TTC28: variants seen among roughly 807,000 people sequenced by gnomAD.
TTC28 encodes tetratricopeptide repeat protein 28.
Under a neutral mutation model 198.0 loss-of-function variants are expected in TTC28, and 61 were observed. The ratio of observed to expected loss-of-function variants is 0.31; its 90% confidence interval spans 0.25 to 0.38. The LOEUF (loss-of-function observed/expected upper bound fraction) is 0.38, where lower values mean the gene tolerates loss of function less well. Ranked by LOEUF, TTC28 falls within the 10% of genes least tolerant of loss-of-function variation. The pLI is 1.00. For synonymous variants in TTC28, 1,171 were observed against 1,297.8 expected (o/e 0.90, Z 2.10); for missense variants, 2,678 against 3,164.0 (o/e 0.85, Z 3.69).
Position 28,261,319 on chromosome 22 carries a change from T to C in TTC28, c.933+34879A>G, listed in dbSNP as rs181410479. 1.7e-3 allele frequency among the ~76,000 whole-genome samples: 258 copies of C among 152,208 alleles called. 1 individual carries two copies. Among genetic ancestry groups the C allele is most frequent in the Middle Eastern group, 0.014 (4 of 294 alleles). On this transcript the variant is annotated intron_variant, in intron 5 of 22. Transcript: ENST00000397906. ...TAAAGTAATGATATAGTTAGTACAG[T>C]AGAAGGCTGAAACCTGTGCAGGAAT...
At chr22:28,178,892 T>C (rs1923435459) in intron 5 of TTC28, among the ~76,000 whole-genome samples, 1 of 152,182 alleles carries the variant, frequency 6.6e-6, no homozygotes, top group South Asian at 2.1e-4. Flanking sequence ...GATCCACATA[T>C]GTGAGACTCT....
rs138015451 is a variant in TTC28 at position 28,383,857 on chromosome 22, G to C, written c.382-77214C>G. ...GGATGATCCTTTTGAGCATTAGTCT[G>C]ATCATGTCAACACTTTGCTCAAAAC... On this transcript the variant is annotated intron_variant, in intron 2 of 22. Coordinates refer to ENST00000397906, the MANE Select transcript of TTC28 (RefSeq NM_001145418.2). Among the ~76,000 whole-genome samples the C allele has an allele frequency of 1.2e-3, 182 of 152,292 alleles. 3 individuals carry two copies. The highest frequency in any genetic ancestry group is 4.0e-3 in the African/African-American group (168 of 41,576).
intron 5 of TTC28, among the ~76,000 whole-genome samples, chr22:28,240,877 A>C (rs926545478): frequency 6.6e-6 from 1 of 152,196 alleles, no homozygotes; most frequent in Non-Finnish European, 1.5e-5. Flanking sequence ...ATAACAATAG[A>C]AATAGTCCTT....
chr22:28,472,845 A>G (rs1331095127), intron 2 of TTC28, among the ~76,000 whole-genome samples: 1 of 152,334 alleles, frequency 6.6e-6, no homozygotes, highest in South Asian at 2.1e-4. Flanking sequence ...AGCCATAGTA[A>G]CAAGAAGTTT....
intron 2 of TTC28, among the ~76,000 whole-genome samples, chr22:28,328,923 CAAAG>C (rs2045574905): frequency 6.6e-6 from 1 of 151,648 alleles, no homozygotes; most frequent in East Asian, 1.9e-4. Context: ...TCATAGAATT[CAAAG>C]AAAGCCACTA....
chr22:28,129,277 G>A (rs148444586), intron 6 of TTC28, among the ~76,000 whole-genome samples: 304 of 152,220 alleles, frequency 2.0e-3, no homozygotes, highest in Non-Finnish European at 3.6e-3. Context: ...GTAGACACTG[G>A]GATTGCTGAG....
At chr22:28,671,566 C>T (rs1453700815) in intron 1 of TTC28, among the ~76,000 whole-genome samples, 2 of 142,842 alleles carry the variant, frequency 1.4e-5, no homozygotes, top group East Asian at 4.2e-4. Flanking sequence ...ACCCGGTAGG[C>T]AGAGCTTGCA....
At chr22:28,207,868 T>TA (rs1926568461) in intron 5 of TTC28, among the ~76,000 whole-genome samples, 1 of 151,986 alleles carries the variant, frequency 6.6e-6, no homozygotes, top group South Asian at 2.1e-4. Flanking sequence ...GAAACGGTGA[T>TA]AAAAAATCCT....
At chr22:28,468,832 T>C (rs1188204423) in intron 2 of TTC28, among the ~76,000 whole-genome samples, 8 of 151,718 alleles carry the variant, frequency 5.3e-5, no homozygotes, top group Non-Finnish European at 7.4e-5. Context: ...CCACCGCGCC[T>C]GGCCCATAAT....
chr22:28,457,129 C>T (rs2047874634), intron 2 of TTC28, among the ~76,000 whole-genome samples: 2 of 152,182 alleles, frequency 1.3e-5, no homozygotes, highest in African/African-American at 4.8e-5. Context: ...TCACAGCACT[C>T]TATTCAGAAC....
At chr22:28,239,080 G>T (rs1929470682) in intron 5 of TTC28, among the ~76,000 whole-genome samples, 1 of 152,082 alleles carries the variant, frequency 6.6e-6, no homozygotes, top group South Asian at 2.1e-4. Flanking sequence ...TGCGTGATTT[G>T]CTCAGGTCTG....
rs919411486 is a variant in TTC28 at position 27,990,026 on chromosome 22, C to A, written c.5578-19G>T. The A allele has an allele frequency of 6.5e-7, 1 of 1,545,354 alleles. No individual in the cohort carries two copies. The highest frequency in any genetic ancestry group is 1.4e-5 in the African/African-American group (1 of 72,964). On this transcript the variant is annotated intron_variant, in intron 20 of 22. Coordinates refer to ENST00000397906, the MANE Select transcript of TTC28 (RefSeq NM_001145418.2). Reference sequence around the variant, plus strand: ...GGTGGAGCTGAGGAAGGGGGGACAGCGTGAGCACCCTGTGTCTCCTTCCCC... The same window carrying A: ...GGTGGAGCTGAGGAAGGGGGGACAGAGTGAGCACCCTGTGTCTCCTTCCCC...
At chr22:28,579,614 T>A in intron 2 of TTC28, among the ~76,000 whole-genome samples, 1 of 149,564 alleles carries the variant, frequency 6.7e-6, no homozygotes, top group East Asian at 2.0e-4. Context: ...AATTATATAG[T>A]CACATATACA....
At chr22:28,461,151 T>C (rs964257585) in intron 2 of TTC28, among the ~76,000 whole-genome samples, 3 of 152,218 alleles carry the variant, frequency 2.0e-5, no homozygotes, top group African/African-American at 7.2e-5. Context: ...ATTTTCTATA[T>C]AGTTACCTTC....
chr22:28,215,593 T>C (rs1385491577), intron 5 of TTC28, among the ~76,000 whole-genome samples: 2 of 152,156 alleles, frequency 1.3e-5, no homozygotes, highest in African/African-American at 2.4e-5. Flanking sequence ...AAAATGATTT[T>C]AAAGCATGCA....
chr22:28,108,229 T>G lies in TTC28; in HGVS notation c.1616A>C (p.Gln539Pro). 6.4e-7 allele frequency: 1 copy of G among 1,551,292 alleles called. No homozygotes were observed. Among genetic ancestry groups the G allele is most frequent in the South Asian group, 1.2e-5 (1 of 84,042 alleles). The part of the protein sequence containing the change: ...MYDQAVKYHR[Q>P]ELQISMEVND... Reference sequence around the variant, plus strand: ...CACTTCCATGGAGATCTGCAGCTCCTGCCGATGGTATTTGACCGCCTGGTC... The same window carrying G: ...CACTTCCATGGAGATCTGCAGCTCCGGCCGATGGTATTTGACCGCCTGGTC... Residue 539 changes from glutamine (Q) to proline (P), a missense_variant, in exon 7 of 23, where the codon CAG becomes CCG. By Grantham distance (76) the Gln-to-Pro change is moderately conservative. This residue lies in a region of TTC28 where 775 missense variants were observed against 845.9 expected (regional missense o/e 0.92). Coordinates refer to ENST00000397906, the MANE Select transcript of TTC28 (RefSeq NM_001145418.2).
At chr22:28,167,085 A>G (rs891377312) in intron 5 of TTC28, among the ~76,000 whole-genome samples, 3 of 152,206 alleles carry the variant, frequency 2.0e-5, no homozygotes, top group Non-Finnish European at 2.9e-5. Flanking sequence ...AAATGGATAA[A>G]TTCCTCGACA....
At chr22:28,615,763 G>A (rs2050895020) in intron 2 of TTC28, among the ~76,000 whole-genome samples, 1 of 148,590 alleles carries the variant, frequency 6.7e-6, no homozygotes, top group South Asian at 2.2e-4. Context: ...ATGGTCACAG[G>A]GAGGGAAACA....
intron 2 of TTC28, among the ~76,000 whole-genome samples, chr22:28,357,487 T>G (rs904935681): frequency 6.6e-6 from 1 of 151,906 alleles, no homozygotes. Flanking sequence ...ATTTTTTAAC[T>G]TTTTGTAGAG....
Sources: allele counts gnomAD v4.1 joint callset (sites outside exome capture counted in the v4.1 genomes callset), GRCh38; gene constraint gnomAD v4.1.1; regional missense constraint gnomAD v4.1.1; transcripts MANE v1.5; gene names NCBI Gene and HGNC (gene_info 2026-07-23, HGNC 2026-07-21).